The following WDR18 variants were observed in gnomAD, a reference collection of about 807,000 sequenced individuals.
The protein encoded by WDR18 is WD repeat-containing protein 18.
Under a neutral mutation model 49.6 loss-of-function variants are expected in WDR18, and 33 were observed. That is an observed-to-expected ratio of 0.67 (90% CI 0.50 to 0.89). WDR18 has a LOEUF of 0.89. WDR18 is among the 40% of genes least tolerant of loss of function. WDR18 has a pLI of 0.00. For missense variants in WDR18, 653 were observed against 593.6 expected (o/e 1.10, Z -1.04); for synonymous variants, 315 against 263.6 (o/e 1.19, Z -1.89).
chr19:994,210 C>A lies in WDR18; in HGVS notation c.1168-3C>A. On this transcript the variant is annotated splice_region_variant and splice_polypyrimidine_tract_variant and intron_variant, in intron 9 of 9. Coordinates refer to ENST00000585809, the MANE Select transcript of WDR18 (RefSeq NM_024100.4). ...TGCCCTCTGACCCCGACTTCTCCCG[C>A]AGAGCGTGCTCGGCGGCCAGGACCA... 1 of 1,598,712 alleles carries A rather than the reference C, an allele frequency of 6.3e-7. No homozygotes were observed. Among genetic ancestry groups the A allele is most frequent in the Non-Finnish European group, 8.5e-7 (1 of 1,175,230 alleles).
chr19:983,749 G>A (rs959310650), upstream of WDR18, among the ~76,000 whole-genome samples: 1 of 151,562 alleles, frequency 6.6e-6, no homozygotes, highest in African/African-American at 2.4e-5. Flanking sequence ...GACCAATAAG[G>A]AAACACTGGG....
chr19:992,600 C>G (rs2038574698), intron 8 of WDR18, among the ~76,000 whole-genome samples: 1 of 152,176 alleles, frequency 6.6e-6, no homozygotes. Context: ...GCCCTCACTC[C>G]CTGCAGCTCA....
Position 994,292 on chromosome 19 carries a change from A to G in WDR18, c.1247A>G (p.Asn416Ser), listed in dbSNP as rs775069805. Residue 416 changes from asparagine (N) to serine (S), a missense_variant, in exon 10 of 10, where the codon AAT becomes AGT. Asn to Ser is a conservative substitution (Grantham distance 46, BLOSUM62 1). Transcript: ENST00000585809. ...EDEVRNLRKI[N>S]RDLFDFSTRF... Reference sequence around the variant, plus strand: ...GAGGTGCGCAACCTGCGCAAGATCAATCGGGACCTGTTCGACTTCTCCACG... The same window carrying G: ...GAGGTGCGCAACCTGCGCAAGATCAGTCGGGACCTGTTCGACTTCTCCACG... 8 of 1,611,036 alleles carry G rather than the reference A, an allele frequency of 5.0e-6. No homozygotes were observed. The highest frequency in any genetic ancestry group is 1.1e-5 in the South Asian group (1 of 90,878).
chr19:991,690 GTGGGGCGGGGCCTGGCTGGGA>G (rs2038553760), intron 7 of WDR18, among the ~76,000 whole-genome samples: 3 of 77,374 alleles, frequency 3.9e-5, no homozygotes, highest in South Asian at 8.6e-4. Context: ...TGGACTGACT[GTGGGGCGGGGCCTGGCTGGGA>G]CGGGGCGGGG....
At chr19:992,187 C>A in intron 8 of WDR18, 66 bp downstream of exon 8, 1 of 1,386,256 alleles carries the variant, frequency 7.2e-7, no homozygotes, top group Non-Finnish European at 9.3e-7. Context: ...GCCCTGGGCT[C>A]CTTCGCTCCC....
intron 2 of WDR18, among the ~76,000 whole-genome samples, chr19:987,829 G>GTTTTGTTTTTTT (rs1340731704): frequency 2.2e-5 from 2 of 91,820 alleles, no homozygotes; most frequent in African/African-American, 1.1e-4. Flanking sequence ...GCCGCCTCCA[G>GTTTTGTTTTTTT]TTTTTTTTTT....
chr19:992,228 A>G (rs905281728), intron 8 of WDR18, 107 bp downstream of exon 8: 144 of 1,327,094 alleles, frequency 1.1e-4, no homozygotes, highest in Non-Finnish European at 1.4e-4. Flanking sequence ...GCGGTTCCCC[A>G]CAAGCCCGGC....
In WDR18 at chr19:994,017, C is replaced by T. The variant is rs771135684; in HGVS notation, c.1099-3C>T. On this transcript the variant is annotated splice_polypyrimidine_tract_variant and splice_region_variant and intron_variant, in intron 8 of 9. Transcript: ENST00000585809. ...CGAGGTCACGTGGCTCCCTGTGTTA[C>T]AGGGCTCGGAGCCCAGCTACCTGGA... 7.1e-6 allele frequency: 11 copies of T among 1,552,854 alleles called. No individual in the cohort carries two copies. Among genetic ancestry groups the T allele is most frequent in the Non-Finnish European group, 8.7e-6 (10 of 1,148,876 alleles).
rs759410596 is a variant in WDR18, at chr19:994,024, C to G, written c.1103C>G (p.Ser368Trp). 1.3e-5 allele frequency: 20 copies of G among 1,554,310 alleles called. No individual in the cohort carries two copies. Among genetic ancestry groups the G allele is most frequent in the Admixed American group, 1.9e-5 (1 of 51,500 alleles). The change falls in exon 9 of 10, where the codon TCG (serine) becomes TGG (tryptophan). Residue 368 changes from serine to tryptophan, a missense_variant. Ser to Trp is a radical substitution (Grantham distance 177). Transcript: ENST00000585809. Reference sequence around the variant, plus strand: ...ACGTGGCTCCCTGTGTTACAGGGCTCGGAGCCCAGCTACCTGGACCGCACG... The same window carrying G: ...ACGTGGCTCCCTGTGTTACAGGGCTGGGAGCCCAGCTACCTGGACCGCACG... ...TLRLGLHQQG[S>W]EPSYLDRTEQ...
intron 2 of WDR18, among the ~76,000 whole-genome samples, chr19:988,917 G>A (rs1167314130): frequency 1.3e-5 from 2 of 152,066 alleles, no homozygotes; most frequent in Non-Finnish European, 2.9e-5. Flanking sequence ...GTCTAAATGA[G>A]GCCATTCACA....
intron 8 of WDR18, among the ~76,000 whole-genome samples, chr19:993,129 A>C (rs1278927006): frequency 1.3e-5 from 2 of 152,222 alleles, no homozygotes; most frequent in Non-Finnish European, 2.9e-5. Context: ...GGCCAGGAGC[A>C]CAGGCTGGAC....
Position 990,282 on chromosome 19 carries a change from C to A in WDR18, c.515C>A (p.Ala172Glu). The change falls in exon 4 of 10, where the codon GCG (alanine) becomes GAG (glutamate). Residue 172 changes from alanine to glutamate, a missense_variant. Ala to Glu is a moderately radical substitution (Grantham distance 107). Coordinates refer to ENST00000585809, the MANE Select transcript of WDR18 (RefSeq NM_024100.4). ...PAPRHVWSHHALPITDLHCGF... is the reference protein window; with the variant it reads ...PAPRHVWSHHELPITDLHCGF... ...CCCAGGCACGTCTGGTCTCACCACG[C>A]GCTCCCCATCACGGACCTGCACTGC... is the stretch of plus-strand genomic sequence containing the variant. The A allele has an allele frequency of 3.1e-6, 5 of 1,599,122 alleles. No homozygotes were observed. The highest frequency in any genetic ancestry group is 4.2e-6 in the Non-Finnish European group (5 of 1,179,112).
intron 2 of WDR18, among the ~76,000 whole-genome samples, chr19:988,611 G>A (rs188893462): frequency 3.1e-4 from 47 of 152,282 alleles, no homozygotes; most frequent in Admixed American, 7.2e-4. Context: ...AGGGACTTTC[G>A]ACAACAGAAA....
upstream of WDR18, among the ~76,000 whole-genome samples, chr19:983,598 C>T (rs1001504577): frequency 8.6e-5 from 13 of 151,224 alleles, no homozygotes; most frequent in African/African-American, 3.2e-4. Context: ...AGACATGGTC[C>T]GTGACGGGCA....
At chr19:993,061 G>A (rs554046617) in intron 8 of WDR18, among the ~76,000 whole-genome samples, 3 of 152,326 alleles carry the variant, frequency 2.0e-5, no homozygotes, top group East Asian at 1.9e-4. Flanking sequence ...GGCTTGGGGC[G>A]GGCAGGCAGG....
chr19:990,448 T>TC (rs1599446659), intron 4 of WDR18, 84 bp downstream of exon 4: 8 of 1,424,714 alleles, frequency 5.6e-6, no homozygotes, highest in Non-Finnish European at 3.7e-6. Context: ...AATCGCCTCC[T>TC]CCCGCTCCCT....
intron 7 of WDR18, among the ~76,000 whole-genome samples, chr19:991,637 T>G (rs532293090): frequency 8.4e-5 from 3 of 35,900 alleles, no homozygotes; most frequent in Admixed American, 7.3e-4. Context: ...GTGGACTGGC[T>G]GGGGGCGTGG....
Position 991,968 on chromosome 19 carries a change from T to C in WDR18, c.945T>C (p.Asn315=), listed in dbSNP as rs1127043. The change falls in exon 8 of 10, where the codon AAT becomes AAC. Residue 315 remains asparagine, a synonymous_variant. Transcript: ENST00000585809. ...CGCGCCCCCCAGGCCCAGTCACCAA[T>C]GCCGCCATCCTGCTGGCGCCCGTCA... is the stretch of plus-strand genomic sequence containing the variant. ...RTVALKGPVT[N]AAILLAPVSM... 507,912 of 1,586,442 alleles carry C rather than the reference T, an allele frequency of 0.32. 84,471 individuals carry two copies. The highest frequency in any genetic ancestry group is 0.48 in the African/African-American group (35,121 of 72,918).
intron 2 of WDR18, among the ~76,000 whole-genome samples, chr19:989,183 C>CA (rs2038512439): frequency 7.8e-6 from 1 of 128,966 alleles, no homozygotes; most frequent in Non-Finnish European, 1.7e-5. Flanking sequence ...TCTCAGTCCT[C>CA]GAACCCACAA....
Sources: gnomAD v4.1 joint callset for allele counts (sites outside exome capture counted in the v4.1 genomes callset) on GRCh38, gnomAD v4.1.1 for gene constraint, MANE v1.5 for transcripts, NCBI Gene and HGNC (gene_info 2026-07-23, HGNC 2026-07-21) for gene names.